The following RIC1 variants were observed in gnomAD, a reference collection of about 807,000 sequenced individuals.
RIC1 encodes RIC1 partner of RAB6A GEF complex.
A neutral mutation model predicts 169.0 loss-of-function variants in RIC1; 88 were observed. That is an observed-to-expected ratio of 0.52 (90% CI 0.44 to 0.62). RIC1 has a LOEUF of 0.62. Ranked by LOEUF, RIC1 falls within the 20% of genes least tolerant of loss-of-function variation. RIC1 has a pLI of 0.00. For synonymous variants in RIC1, 790 were observed against 601.5 expected, an observed-to-expected ratio of 1.31 and a Z score of -4.59; for missense variants, 1,877 against 1,725.5, an observed-to-expected ratio of 1.09 and a Z score of -1.56.
chr9:5,695,360 A>T (rs998722220), intron 3 of RIC1, among the ~76,000 whole-genome samples: 1 of 152,310 alleles, frequency 6.6e-6, no homozygotes, highest in Middle Eastern at 3.4e-3. Context: ...ATCCTGGGAA[A>T]GTCAAGAGCG....
chr9:5,646,008 CTG>C (rs902267874), intron 1 of RIC1, among the ~76,000 whole-genome samples: 5 of 148,270 alleles, frequency 3.4e-5, no homozygotes, highest in Non-Finnish European at 7.4e-5. Context: ...TTGCCACATA[CTG>C]TGTTTCCACA....
chr9:5,773,943 T>C lies in RIC1; in HGVS notation c.3984-15T>C, dbSNP rs1827418706. 2 of 1,547,076 alleles carry C rather than the reference T, an allele frequency of 1.3e-6. No individual in the cohort carries two copies. The highest frequency in any genetic ancestry group is 2.5e-5 in the South Asian group (2 of 80,040). ...AATTATGGCAGATGAGCTAATGTTT[T>C]TTTTCTCTACATAGTCCTGGATATA... On this transcript the variant is annotated splice_polypyrimidine_tract_variant and intron_variant, in intron 25 of 25. Transcript: ENST00000414202.
intron 4 of RIC1, among the ~76,000 whole-genome samples, chr9:5,718,539 GC>G (rs1427040979): frequency 6.6e-6 from 1 of 152,176 alleles, no homozygotes; most frequent in Admixed American, 6.5e-5. Context: ...GATTATAGCT[GC>G]CTATTGTGTG....
rs1821571246 is a variant in RIC1, at chr9:5,691,140, CATT to C, written c.332+1105_332+1107del. Among the ~76,000 whole-genome samples the C allele has an allele frequency of 1.3e-5, 2 of 151,896 alleles. 1 individual carries two copies. Among genetic ancestry groups the C allele is most frequent in the South Asian group, 4.1e-4 (2 of 4,828 alleles). On this transcript the variant is annotated intron_variant, in intron 3 of 25. Coordinates refer to ENST00000414202, the MANE Select transcript of RIC1 (RefSeq NM_020829.4). ...TCCTTCTCTTATAGTGATATGTAGT[CATT>C]ATGTCTCAGAAAAATGTATAAACTT... is the stretch of plus-strand genomic sequence containing the variant.
At chr9:5,649,733 T>G (rs1047570686) in intron 1 of RIC1, among the ~76,000 whole-genome samples, 1 of 121,942 alleles carries the variant, frequency 8.2e-6, no homozygotes, top group Non-Finnish European at 1.7e-5. Context: ...GATGTCATAA[T>G]TTCTTGTTTT....
chr9:5,629,981 T>C (rs1817640652), intron 1 of RIC1, among the ~76,000 whole-genome samples: 1 of 152,218 alleles, frequency 6.6e-6, no homozygotes, highest in African/African-American at 2.4e-5. Context: ...AAAGGTCTGG[T>C]TATTTAACTC....
intron 1 of RIC1, among the ~76,000 whole-genome samples, chr9:5,650,810 C>T (rs1420500526): frequency 6.6e-6 from 1 of 152,096 alleles, no homozygotes; most frequent in Admixed American, 6.5e-5. Context: ...TGCCTGTTCT[C>T]CACAGTGTAG....
intron 1 of RIC1, among the ~76,000 whole-genome samples, chr9:5,654,480 T>C (rs1003162055): frequency 4.6e-5 from 7 of 152,152 alleles, no homozygotes; most frequent in Non-Finnish European, 7.3e-5. Context: ...ACTCCTGACC[T>C]CAGGTGATTT....
At chr9:5,724,132 C>A (rs1823797830) in intron 6 of RIC1, among the ~76,000 whole-genome samples, 1 of 152,160 alleles carries the variant, frequency 6.6e-6, no homozygotes, top group African/African-American at 2.4e-5. Context: ...GGCATTGAAT[C>A]TATAAATGAC....
At chr9:5,668,465 T>C (rs1819911109) in intron 2 of RIC1, among the ~76,000 whole-genome samples, 1 of 152,212 alleles carries the variant, frequency 6.6e-6, no homozygotes, top group African/African-American at 2.4e-5. Flanking sequence ...TCATTAAGGC[T>C]CCTGACATTT....
chr9:5,676,417 G>C (rs10975229), intron 2 of RIC1, among the ~76,000 whole-genome samples: 2 of 151,946 alleles, frequency 1.3e-5, no homozygotes, highest in Non-Finnish European at 2.9e-5. Context: ...TCTAGGCACT[G>C]TTGTAGTGCT....
rs770153821 is a variant in RIC1, at chr9:5,743,659, G to C, written c.1047-30G>C. 26 of 1,549,846 alleles carry C rather than the reference G, an allele frequency of 1.7e-5. No individual in the cohort carries two copies. The South Asian group carries it at 2.4e-4, about 15-fold the overall frequency. On this transcript the variant is annotated intron_variant, in intron 9 of 25. Coordinates refer to ENST00000414202, the MANE Select transcript of RIC1 (RefSeq NM_020829.4). The stretch of plus-strand genomic sequence containing the variant: ...GTGTATTATATGTAATTGGAAGGCT[G>C]TATTATATTTAGTTTCTGTTCTGTT...
chr9:5,636,268 A>C lies in RIC1; in HGVS notation c.144+6815A>C, dbSNP rs544826440. 9.2e-5 allele frequency among the ~76,000 whole-genome samples: 14 copies of C among 152,196 alleles called. No individual in the cohort carries two copies. The East Asian group carries it at 2.7e-3, about 29-fold the overall frequency. Reference sequence around the variant, plus strand: ...ATGGTGTTTAGTGGCGGTTAAATGTATTCTAAGTATTTAGTTTTTTGGAGC... The same window carrying C: ...ATGGTGTTTAGTGGCGGTTAAATGTCTTCTAAGTATTTAGTTTTTTGGAGC... On this transcript the variant is annotated intron_variant, in intron 1 of 25. Coordinates refer to ENST00000414202, the MANE Select transcript of RIC1 (RefSeq NM_020829.4).
intron 19 of RIC1, among the ~76,000 whole-genome samples, chr9:5,764,112 T>C (rs900626853): frequency 1.1e-4 from 16 of 152,228 alleles, no homozygotes; most frequent in Admixed American, 9.8e-4. Context: ...AGTAGTGTTT[T>C]GAAATTTTAA....
chr9:5,696,426 A>C (rs557256794), intron 3 of RIC1, among the ~76,000 whole-genome samples: 62 of 152,126 alleles, frequency 4.1e-4, no homozygotes, highest in Admixed American at 8.5e-4. Context: ...TATGTAAGAA[A>C]TTTATCTGAG....
chr9:5,649,324 A>G lies in RIC1; in HGVS notation c.145-7259A>G, dbSNP rs746760651. ...CTTTGATCTTGTCTTTGCCTTCTGT[A>G]ACACCAAAAATTCAAATAGATCACT... On this transcript the variant is annotated intron_variant, in intron 1 of 25. Transcript: ENST00000414202. 5.9e-5 allele frequency among the ~76,000 whole-genome samples: 9 copies of G among 152,180 alleles called. 1 individual carries two copies. The highest frequency in any genetic ancestry group is 1.2e-4 in the Non-Finnish European group (8 of 68,030).
At position 5,710,400 on chromosome 9, in the gene RIC1, C is replaced by T. The variant is rs372999554; in HGVS notation, c.333-3496C>T. 3.9e-4 allele frequency among the ~76,000 whole-genome samples: 59 copies of T among 152,288 alleles called. 1 individual carries two copies. In the South Asian group the frequency reaches 9.1e-3, roughly 24 times the overall value. On this transcript the variant is annotated intron_variant, in intron 3 of 25. Transcript: ENST00000414202. Reference sequence around the variant, plus strand: ...CTTGGCTCCAGACTTCTGTCTTTCACGCTTTGATATCCCAGGCAGGTTTGA... The same window carrying T: ...CTTGGCTCCAGACTTCTGTCTTTCATGCTTTGATATCCCAGGCAGGTTTGA...
chr9:5,641,558 A>G (rs2130315610), intron 1 of RIC1, among the ~76,000 whole-genome samples: 1 of 151,874 alleles, frequency 6.6e-6, no homozygotes, highest in Middle Eastern at 3.4e-3. Context: ...AATACCTCTT[A>G]TATTTGCCCT....
chr9:5,654,885 T>G (rs1481214027), intron 1 of RIC1, among the ~76,000 whole-genome samples: 1 of 152,164 alleles, frequency 6.6e-6, no homozygotes. Context: ...AATTCCACTT[T>G]TTTATTGCTG....
Sources: gnomAD v4.1 joint callset for allele counts (sites outside exome capture counted in the v4.1 genomes callset) on GRCh38, gnomAD v4.1.1 for gene constraint, MANE v1.5 for transcripts, NCBI Gene and HGNC (gene_info 2026-07-23, HGNC 2026-07-21) for gene names.